Variants in METTL25 observed in about 807,000 individuals in gnomAD.
METTL25 encodes the protein probable methyltransferase-like protein 25.
Under a neutral mutation model 71.6 loss-of-function variants are expected in METTL25, and 64 were observed. That is an observed-to-expected ratio of 0.89 (90% CI 0.73 to 1.10). The LOEUF is 1.10. Among genes scored for constraint, METTL25 ranks in the 50% least tolerant of loss-of-function variants. The pLI is 0.00. For missense variants in METTL25, 807 were observed against 707.0 expected, an observed-to-expected ratio of 1.14 and a Z score of -1.60; for synonymous variants, 287 against 250.3, an observed-to-expected ratio of 1.15 and a Z score of -1.38.
At chr12:82,452,588 C>T (rs957041312) in intron 8 of METTL25, among the ~76,000 whole-genome samples, 1 of 152,130 alleles carries the variant, frequency 6.6e-6, no homozygotes, top group Non-Finnish European at 1.5e-5. Context: ...TGAATACTTC[C>T]CTTTCCTTGC....
chr12:82,449,377 A>G (rs925519211), intron 8 of METTL25, among the ~76,000 whole-genome samples: 1 of 152,126 alleles, frequency 6.6e-6, no homozygotes, highest in Non-Finnish European at 1.5e-5. Flanking sequence ...CCATCATCCC[A>G]TTCTTCCTGT....
At chr12:82,374,886 T>C (rs2136882316) in intron 1 of METTL25, among the ~76,000 whole-genome samples, 1 of 152,300 alleles carries the variant, frequency 6.6e-6, no homozygotes, top group East Asian at 1.9e-4. Context: ...GGGACAATAG[T>C]GGTCTAGAGA....
chr12:82,370,684 G>C (rs1883128458), intron 1 of METTL25, among the ~76,000 whole-genome samples: 1 of 96,446 alleles, frequency 1.0e-5, no homozygotes, highest in Admixed American at 1.2e-4. Context: ...GGGGTATACT[G>C]TTTTTTCTTT....
At chr12:82,427,992 G>A (rs988061204) in intron 5 of METTL25, among the ~76,000 whole-genome samples, 2 of 151,960 alleles carry the variant, frequency 1.3e-5, no homozygotes, top group Admixed American at 6.6e-5. Context: ...AAGTCTTACA[G>A]GAACCGAAGG....
At chr12:82,476,580 A>G (rs557096977) in intron 9 of METTL25, 64 bp from the exon 10 acceptor site, 2 of 1,042,188 alleles carry the variant, frequency 1.9e-6, no homozygotes, top group Non-Finnish European at 3.0e-6. Flanking sequence ...ACTTTAGGAT[A>G]TGTTTGACAA....
At chr12:82,391,250 C>T (rs1447636009) in intron 3 of METTL25, among the ~76,000 whole-genome samples, 1 of 151,956 alleles carries the variant, frequency 6.6e-6, no homozygotes, top group Admixed American at 6.6e-5. Flanking sequence ...AAGACCCAGT[C>T]ATTTAGTTTG....
chr12:82,411,180 G>T (rs1017491984), intron 5 of METTL25, among the ~76,000 whole-genome samples: 5 of 152,052 alleles, frequency 3.3e-5, no homozygotes, highest in Admixed American at 2.0e-4. Context: ...GCTACTAAGG[G>T]TATTTGTGTA....
intron 1 of METTL25, among the ~76,000 whole-genome samples, chr12:82,383,154 T>G (rs983365039): frequency 1.3e-5 from 2 of 152,092 alleles, no homozygotes; most frequent in East Asian, 3.9e-4. Flanking sequence ...CAGACTTGAT[T>G]CTGAGAGTCA....
intron 3 of METTL25, among the ~76,000 whole-genome samples, chr12:82,395,684 A>C (rs1296310713): frequency 6.6e-6 from 1 of 152,054 alleles, no homozygotes; most frequent in Non-Finnish European, 1.5e-5. Context: ...TTTCTGTGGG[A>C]AAGTCTCCTA....
At chr12:82,461,752 A>G (rs1891893640) in intron 9 of METTL25, among the ~76,000 whole-genome samples, 1 of 152,262 alleles carries the variant, frequency 6.6e-6, no homozygotes, top group Non-Finnish European at 1.5e-5. Context: ...AAAGAGTTAA[A>G]GATTTGCTTG....
chr12:82,377,739 G>A (rs1884019059), intron 1 of METTL25, among the ~76,000 whole-genome samples: 1 of 152,116 alleles, frequency 6.6e-6, no homozygotes, highest in Non-Finnish European at 1.5e-5. Context: ...GTGAGATGAA[G>A]GGTAAGGAAA....
intron 2 of METTL25, among the ~76,000 whole-genome samples, chr12:82,387,669 TCA>T (rs1885168062): frequency 2.6e-5 from 4 of 151,818 alleles, no homozygotes; most frequent in Non-Finnish European, 5.9e-5. Flanking sequence ...CACCATGTGT[TCA>T]CATTTTGCCA....
chr12:82,378,454 C>T (rs968357030), intron 1 of METTL25, among the ~76,000 whole-genome samples: 1 of 152,186 alleles, frequency 6.6e-6, no homozygotes, highest in Admixed American at 6.5e-5. Context: ...AGACCTTTCA[C>T]TTCTTCCTTT....
At chr12:82,363,461 G>C (rs1882190609) in intron 1 of METTL25, among the ~76,000 whole-genome samples, 2 of 152,112 alleles carry the variant, frequency 1.3e-5, no homozygotes, top group Admixed American at 1.3e-4. Context: ...CTCAAAATCT[G>C]ACTAGAAAAT....
chr12:82,407,795 G>A, intron 5 of METTL25: 3 of 984,140 alleles, frequency 3.0e-6, no homozygotes, highest in South Asian at 4.7e-5. Context: ...AATAATGAAA[G>A]TAAACTTGGT....
At chr12:82,375,389 A>G (rs965877594) in intron 1 of METTL25, among the ~76,000 whole-genome samples, 22 of 152,290 alleles carry the variant, frequency 1.4e-4, no homozygotes, top group Non-Finnish European at 1.8e-4. Flanking sequence ...ATCTGTACCA[A>G]CTATGCTGGC....
chr12:82,464,080 T>G (rs781562622), intron 9 of METTL25, among the ~76,000 whole-genome samples: 47 of 152,038 alleles, frequency 3.1e-4, no homozygotes, highest in Non-Finnish European at 5.7e-4. Flanking sequence ...CTCTGATGAT[T>G]GTTTTGTTTG....
chr12:82,426,849 T>C (rs1200885748), intron 5 of METTL25, among the ~76,000 whole-genome samples: 2 of 152,016 alleles, frequency 1.3e-5, no homozygotes, highest in East Asian at 3.9e-4. Flanking sequence ...AGCCCAGAAC[T>C]CTGTTCCCAT....
chr12:82,451,888 A>C (rs971476047), intron 8 of METTL25, among the ~76,000 whole-genome samples: 3 of 152,156 alleles, frequency 2.0e-5, no homozygotes, highest in Admixed American at 6.6e-5. Context: ...TAACTACAGT[A>C]AACAGTTTAT....
Sources: gnomAD v4.1 joint callset for allele counts (sites outside exome capture counted in the v4.1 genomes callset) on GRCh38, gnomAD v4.1.1 for gene constraint, MANE v1.5 for transcripts, NCBI Gene and HGNC (gene_info 2026-07-23, HGNC 2026-07-21) for gene names.